The following NEDD4L variants were observed in gnomAD, a reference collection of about 807,000 sequenced individuals.
The protein encoded by NEDD4L is E3 ubiquitin-protein ligase NEDD4-like.
In NEDD4L, 54 loss-of-function variants were observed where a neutral mutation model predicts 148.9. The ratio of observed to expected loss-of-function variants is 0.36; its 90% CI spans 0.29 to 0.45. The LOEUF is 0.45. NEDD4L is among the 20% of genes least tolerant of loss of function. NEDD4L has a pLI of 1.00. For synonymous variants in NEDD4L, 433 were observed against 440.7 expected (o/e 0.98, Z 0.22); for missense variants, 856 against 1,233.8 (o/e 0.69, Z 4.59).
At chr18:58,263,441 T>C (rs538009633) in intron 5 of NEDD4L, among the ~76,000 whole-genome samples, 228 of 152,294 alleles carry the variant, frequency 1.5e-3, no homozygotes, top group Non-Finnish European at 2.6e-3. Context: ...CTCATTATCT[T>C]GCTTACTTCT....
intron 2 of NEDD4L, among the ~76,000 whole-genome samples, chr18:58,203,789 A>C (rs936404457): frequency 3.9e-5 from 6 of 152,068 alleles, no homozygotes; most frequent in African/African-American, 1.4e-4. Context: ...AGACTGTCTG[A>C]GAAGACTAGT....
At chr18:58,303,826 T>G (rs1288944936) in intron 5 of NEDD4L, among the ~76,000 whole-genome samples, 1 of 152,256 alleles carries the variant, frequency 6.6e-6, no homozygotes, top group African/African-American at 2.4e-5. Flanking sequence ...GTTGAAATCC[T>G]AGTCCTGCCA....
intron 1 of NEDD4L, among the ~76,000 whole-genome samples, chr18:58,054,198 T>TG (rs2081998720): frequency 1.3e-5 from 2 of 152,216 alleles, no homozygotes; most frequent in African/African-American, 2.4e-5. Flanking sequence ...TATTTAGTAA[T>TG]GGGGAAAAAA....
chr18:58,063,640 A>C (rs2082441954), intron 1 of NEDD4L, among the ~76,000 whole-genome samples: 1 of 147,786 alleles, frequency 6.8e-6, no homozygotes, highest in South Asian at 2.2e-4. Context: ...ATCTCGGCTC[A>C]CTGTAACCTC....
intron 17 of NEDD4L, 80 bp from the exon 18 acceptor site, chr18:58,350,911 G>C (rs1020105751): frequency 9.8e-6 from 11 of 1,119,710 alleles, no homozygotes; most frequent in African/African-American, 1.6e-5. Flanking sequence ...GTGTTCTATA[G>C]TTTTTAAATG....
intron 1 of NEDD4L, among the ~76,000 whole-genome samples, chr18:58,056,592 C>CA (rs2082095055): frequency 2.0e-5 from 3 of 151,878 alleles, no homozygotes; most frequent in Admixed American, 1.3e-4. Context: ...TATTTTTTTA[C>CA]TTTTTTTCAA....
At chr18:58,252,153 C>T (rs888091359) in intron 5 of NEDD4L, 99 bp downstream of exon 5, 11 of 791,024 alleles carry the variant, frequency 1.4e-5, no homozygotes, top group Non-Finnish European at 2.0e-5. Flanking sequence ...GTACTTAGGA[C>T]AGTATATGTG....
intron 2 of NEDD4L, among the ~76,000 whole-genome samples, chr18:58,200,167 T>C (rs2041227547): frequency 6.6e-6 from 1 of 152,256 alleles, no homozygotes; most frequent in Admixed American, 6.5e-5. Context: ...AATGGCTCTT[T>C]TAAAAATGTG....
At chr18:58,113,833 T>C (rs1303857997) in intron 1 of NEDD4L, among the ~76,000 whole-genome samples, 1 of 151,622 alleles carries the variant, frequency 6.6e-6, no homozygotes, top group Non-Finnish European at 1.5e-5. Flanking sequence ...GGTGTGGGGT[T>C]GGTGGCAAGA....
chr18:58,087,732 G>A (rs544023099), intron 1 of NEDD4L, among the ~76,000 whole-genome samples: 2 of 152,108 alleles, frequency 1.3e-5, no homozygotes, highest in Non-Finnish European at 2.9e-5. Flanking sequence ...AAATTAGCTG[G>A]GTGTGGTGGT....
intron 2 of NEDD4L, among the ~76,000 whole-genome samples, chr18:58,184,669 T>C (rs956302422): frequency 2.0e-5 from 3 of 152,008 alleles, no homozygotes; most frequent in Non-Finnish European, 2.9e-5. Context: ...TGGCTCACGC[T>C]TGTAATCCCA....
At chr18:58,127,535 C>G (rs1349858796) in intron 1 of NEDD4L, among the ~76,000 whole-genome samples, 1 of 148,902 alleles carries the variant, frequency 6.7e-6, no homozygotes, top group Non-Finnish European at 1.5e-5. Context: ...GAAACCTCAC[C>G]TTTATTTAAA....
intron 2 of NEDD4L, among the ~76,000 whole-genome samples, chr18:58,184,883 G>T (rs1041202354): frequency 1.3e-5 from 2 of 151,538 alleles, no homozygotes; most frequent in African/African-American, 4.9e-5. Context: ...AGCCGAGATG[G>T]CACCACTGCA....
intron 1 of NEDD4L, among the ~76,000 whole-genome samples, chr18:58,094,354 T>G (rs1467147654): frequency 6.6e-6 from 1 of 151,828 alleles, no homozygotes; most frequent in East Asian, 1.9e-4. Context: ...CTGGCTAATT[T>G]TTTGTATTTT....
chr18:58,167,203 A>G (rs1210827376), intron 2 of NEDD4L, among the ~76,000 whole-genome samples: 1 of 152,196 alleles, frequency 6.6e-6, no homozygotes, highest in Non-Finnish European at 1.5e-5. Context: ...GTAATGTCAG[A>G]GTGAAGCAAA....
At chr18:58,130,995 GTTGA>G (rs1286500866) in intron 1 of NEDD4L, among the ~76,000 whole-genome samples, 1 of 129,366 alleles carries the variant, frequency 7.7e-6, no homozygotes. Flanking sequence ...TTGGGGTTTG[GTTGA>G]CTGTGATCTA....
chr18:58,396,407 C>T lies in NEDD4L; in HGVS notation c.*138C>T, dbSNP rs947427058. On this transcript the variant is annotated 3_prime_UTR_variant, in exon 31 of 31. Coordinates refer to ENST00000400345, the MANE Select transcript of NEDD4L (RefSeq NM_001144967.3). ...CCTGGAGCCGAGCCTTCACCACGCA[C>T]TCGTCCAAGTTCGGATGCGGGAACC... 1.0e-5 allele frequency: 6 copies of T among 598,796 alleles called. No homozygotes were observed. The highest frequency in any genetic ancestry group is 1.8e-5 in the Non-Finnish European group (6 of 331,918). 37.1% of individuals were successfully genotyped at this position (598,796 alleles called of 1,614,324 possible). A position where few individuals can be genotyped will look rare whatever the true frequency, so the allele number is the denominator to read the frequency against.
Position 58,318,161 on chromosome 18 carries a change from G to A in NEDD4L, c.348+2129G>A, listed in dbSNP as rs545324033. Among the ~76,000 whole-genome samples, 30 of 152,282 alleles carry A rather than the reference G, an allele frequency of 2.0e-4. 1 individual carries two copies. The highest frequency in any genetic ancestry group is 1.3e-3 in the Admixed American group (20 of 15,300). ...AGCATATGCGTGTATTTTGTGGATCGAATTATGGATGCTGTGTTCTTGATT... is the reference window on the plus strand; with the variant it reads ...AGCATATGCGTGTATTTTGTGGATCAAATTATGGATGCTGTGTTCTTGATT... On this transcript the variant is annotated intron_variant, in intron 6 of 30. Transcript: ENST00000400345.
chr18:58,240,684 T>C (rs2046522055), intron 2 of NEDD4L, among the ~76,000 whole-genome samples: 2 of 152,172 alleles, frequency 1.3e-5, no homozygotes, highest in Admixed American at 1.3e-4. Flanking sequence ...AGAGCTTTCT[T>C]ATTCTTTGGC....
Sources: gnomAD v4.1 joint callset for allele counts (sites outside exome capture counted in the v4.1 genomes callset) on GRCh38, gnomAD v4.1.1 for gene constraint, MANE v1.5 for transcripts, NCBI Gene and HGNC (gene_info 2026-07-23, HGNC 2026-07-21) for gene names.